The following CFAP46 variants were observed in gnomAD, a reference collection of about 807,000 sequenced individuals.
The protein encoded by CFAP46 is cilia and flagella associated protein 46, also known as cilia- and flagella-associated protein 46.
In CFAP46, 245 loss-of-function variants were observed where a neutral mutation model predicts 325.7. The observed-to-expected ratio is 0.75, with a 90% CI of 0.68 to 0.84. The LOEUF (loss-of-function observed/expected upper bound fraction) is 0.84, where lower values mean the gene tolerates loss of function less well. CFAP46 is among the 40% of genes least tolerant of loss of function. The pLI, the probability that CFAP46 is intolerant of heterozygous loss-of-function variation, is 0.00. For synonymous variants in CFAP46, 1,523 were observed against 1,495.9 expected (o/e 1.02, Z -0.42); for missense variants, 3,346 against 3,543.0 (o/e 0.94, Z 1.41).
chr10:132,823,319 A>G (rs1196139883), intron 50 of CFAP46, among the ~76,000 whole-genome samples: 2 of 53,550 alleles, frequency 3.7e-5, no homozygotes, highest in Non-Finnish European at 6.6e-5. Context: ...GTGAGTGCTG[A>G]TGTGTGCGGT....
At chr10:132,902,563 G>C (rs1418314153) in intron 22 of CFAP46, among the ~76,000 whole-genome samples, 1 of 152,122 alleles carries the variant, frequency 6.6e-6, no homozygotes. Flanking sequence ...TGATTATATT[G>C]ACAGTAGCTG....
At chr10:132,891,594 C>T (rs1417717938) in intron 25 of CFAP46, among the ~76,000 whole-genome samples, 2 of 152,216 alleles carry the variant, frequency 1.3e-5, no homozygotes, top group African/African-American at 4.8e-5. Context: ...TGGGGAAAAT[C>T]CACATGCTGT....
At chr10:132,834,255 G>T in intron 48 of CFAP46, 132 bp from the exon 49 acceptor site, 2 of 831,684 alleles carry the variant, frequency 2.4e-6, no homozygotes, top group South Asian at 3.3e-5. Flanking sequence ...TTCTGGGGAT[G>T]GTCCCACTGA....
At chr10:132,826,673 G>A (rs1314600739) in intron 50 of CFAP46, among the ~76,000 whole-genome samples, 1 of 137,046 alleles carries the variant, frequency 7.3e-6, no homozygotes, top group African/African-American at 2.7e-5. Flanking sequence ...GGAGGAGCCG[G>A]AGCCACGGAG....
intron 10 of CFAP46, among the ~76,000 whole-genome samples, chr10:132,925,585 C>T (rs1011832837): frequency 1.3e-5 from 2 of 152,282 alleles, no homozygotes; most frequent in African/African-American, 4.8e-5. Context: ...CAAAGTGCAA[C>T]AGCCAAAGCG....
In CFAP46 at chr10:132,832,780, C is replaced by A. The variant is rs369789762; in HGVS notation, c.7117+578G>T. ...CCAGCCGAGGTCAGGGCCTTCCGCG[C>A]GCTCCCTCGTGCTTTTCACTGTCTG... On this transcript the variant is annotated intron_variant, in intron 50 of 57. Transcript: ENST00000368586. This position sits in a 1 kb window ranked among gnomAD's most constrained non-coding sequence, Gnocchi z 4.1. 89 of 471,244 alleles carry A rather than the reference C, an allele frequency of 1.9e-4. 2 individuals carry two copies. In the East Asian group the frequency reaches 4.2e-3, roughly 22 times the overall value. The allele number at this position is 471,244 out of a possible 1,614,324, so 29.2% of individuals were successfully genotyped here. A position where few individuals can be genotyped will look rare whatever the true frequency, so the allele number is the denominator to read the frequency against.
rs143702718 is a variant in CFAP46, at chr10:132,817,139, G to A, written c.7118-2225C>T. On this transcript the variant is annotated intron_variant, in intron 50 of 57. Transcript: ENST00000368586. This position sits in a 1 kb window ranked among gnomAD's most constrained non-coding sequence, Gnocchi z 4.4. ...TGGGGCTGGCCAACGGCTGCACCCC[G>A]CGGTTTTTGCTTTTTATTGCTTTTT... Among the ~76,000 whole-genome samples, 728 of 151,802 alleles carry A rather than the reference G, an allele frequency of 4.8e-3. 6 individuals are homozygous for A. Among genetic ancestry groups the A allele is most frequent in the Middle Eastern group, 0.01 (3 of 290 alleles).
chr10:132,823,194 G>A (rs554212907), intron 50 of CFAP46, among the ~76,000 whole-genome samples: 135 of 140,328 alleles, frequency 9.6e-4, no homozygotes, highest in African/African-American at 3.6e-3. Flanking sequence ...GTGTGCTGAT[G>A]TGTGCTGTGT....
At chr10:132,821,791 T>C (rs867467547) in intron 50 of CFAP46, among the ~76,000 whole-genome samples, 12 of 143,626 alleles carry the variant, frequency 8.4e-5, no homozygotes, top group African/African-American at 2.4e-4. Flanking sequence ...TGCTGATGTG[T>C]GCTGTGTGTT....
At chr10:132,831,005 T>C (rs949162233) in intron 50 of CFAP46, among the ~76,000 whole-genome samples, 1 of 152,256 alleles carries the variant, frequency 6.6e-6, no homozygotes, top group African/African-American at 2.4e-5. Flanking sequence ...CAATATTTTC[T>C]AAATTTCCCT....
intron 8 of CFAP46, 88 bp from the exon 9 acceptor site, chr10:132,929,892 C>T: frequency 2.3e-6 from 2 of 888,010 alleles, no homozygotes; most frequent in Non-Finnish European, 3.5e-6. Flanking sequence ...CCCGTTCAAG[C>T]AGAAGCAGGA....
intron 8 of CFAP46, among the ~76,000 whole-genome samples, chr10:132,931,501 C>T (rs749648096): frequency 1.3e-4 from 19 of 145,632 alleles, no homozygotes; most frequent in Admixed American, 4.8e-4. Context: ...CTACACAGAG[C>T]CTGGGCCTCC....
intron 50 of CFAP46, among the ~76,000 whole-genome samples, chr10:132,825,975 G>A (rs1449669164): frequency 6.6e-6 from 1 of 152,130 alleles, no homozygotes; most frequent in African/African-American, 2.4e-5. Flanking sequence ...CAGCCACGGA[G>A]CCAGGCAGGA....
chr10:132,873,481 C>T (rs1277440367), intron 31 of CFAP46, among the ~76,000 whole-genome samples: 2 of 151,940 alleles, frequency 1.3e-5, no homozygotes, highest in Non-Finnish European at 2.9e-5. Context: ...CTGTCAGGCA[C>T]TGAGGCATCC....
intron 44 of CFAP46, among the ~76,000 whole-genome samples, chr10:132,840,093 G>C (rs1312047784): frequency 6.6e-6 from 1 of 152,196 alleles, no homozygotes; most frequent in Non-Finnish European, 1.5e-5. Context: ...AGCCAGTGGG[G>C]TCTGGGTTTT....
chr10:132,847,013 T>C lies in CFAP46; in HGVS notation c.6186A>G (p.Ala2062=). ...CCACCATCTCCAGGCTGGCGGCTGC[T>C]GCGACATCCAGGAGGCCACTGCCAA... ...VALGSGLLDV[A]AAASLEMVEC... Residue 2062 remains alanine (A), a synonymous_variant, in exon 43 of 58, where the codon GCA becomes GCG. Coordinates refer to ENST00000368586, the MANE Select transcript of CFAP46 (RefSeq NM_001200049.3). The surrounding 1 kb of genome is among the most constrained non-coding windows in gnomAD (Gnocchi z 5.2). 6.2e-7 allele frequency: 1 copy of C among 1,610,768 alleles called. No individual in the cohort carries two copies.
Position 132,808,754 on chromosome 10 carries a change from G to T in CFAP46, c.7815C>A (p.Ala2605=). The change falls in exon 58 of 58, where the codon GCC becomes GCA. Residue 2605 remains alanine, a synonymous_variant. Coordinates refer to ENST00000368586, the MANE Select transcript of CFAP46 (RefSeq NM_001200049.3). This position sits in a 1 kb window ranked among gnomAD's most constrained non-coding sequence, Gnocchi z 6.8. ...AWTCLPSAAG[A]PALASALGSA... ...AGCCAAGGGCAGAGGCAAGTGCTGGGGCCCCAGCAGCTGATGGGAGGCAGG... is the reference window on the plus strand; with the variant it reads ...AGCCAAGGGCAGAGGCAAGTGCTGGTGCCCCAGCAGCTGATGGGAGGCAGG... 1 of 1,581,132 alleles carries T rather than the reference G, an allele frequency of 6.3e-7. No individual in the cohort carries two copies. The highest frequency in any genetic ancestry group is 2.3e-5 in the East Asian group (1 of 43,158).
chr10:132,854,398 G>A (rs1461096343), intron 39 of CFAP46, among the ~76,000 whole-genome samples: 1 of 152,090 alleles, frequency 6.6e-6, no homozygotes, highest in Non-Finnish European at 1.5e-5. Context: ...GTGCAGTGGC[G>A]TGATCGCCAC....
chr10:132,853,203 A>T (rs1043786243), intron 39 of CFAP46, among the ~76,000 whole-genome samples: 1 of 152,208 alleles, frequency 6.6e-6, no homozygotes, highest in African/African-American at 2.4e-5. Flanking sequence ...GATGTCCTTT[A>T]TCAGGTTGAG....
Sources: gnomAD v4.1 joint callset for allele counts (sites outside exome capture counted in the v4.1 genomes callset) on GRCh38, gnomAD v4.1.1 for gene constraint, Gnocchi (gnomAD v3.1) non-coding constraint, MANE v1.5 for transcripts, NCBI Gene and HGNC (gene_info 2026-07-23, HGNC 2026-07-21) for gene names.